RAB30: variants seen among roughly 807,000 people sequenced by gnomAD.
RAB30 encodes ras-related protein Rab-30.
A neutral mutation model predicts 25.1 loss-of-function variants in RAB30; 9 were observed. That is an observed-to-expected ratio of 0.36 (90% CI 0.22 to 0.63). The LOEUF is 0.63. RAB30 is among the 20% of genes least tolerant of loss of function. The pLI, the probability that RAB30 is intolerant of heterozygous loss-of-function variation, is 0.69. For missense variants in RAB30, 140 were observed against 243.5 expected (o/e 0.58, Z 2.83); for synonymous variants, 77 against 86.4 (o/e 0.89, Z 0.60).
intron 1 of RAB30, among the ~76,000 whole-genome samples, chr11:83,052,812 T>C (rs1166752676): frequency 6.6e-6 from 1 of 152,176 alleles, no homozygotes; most frequent in Non-Finnish European, 1.5e-5. Flanking sequence ...AGGGATCCAC[T>C]ACAAACCTAG....
intron 1 of RAB30, among the ~76,000 whole-genome samples, chr11:83,054,923 C>G (rs1240213634): frequency 6.6e-6 from 1 of 152,158 alleles, no homozygotes; most frequent in Non-Finnish European, 1.5e-5. Flanking sequence ...AAGGTATCCT[C>G]AGAAGCAGCA....
chr11:83,021,604 C>T (rs1565279865), intron 1 of RAB30, among the ~76,000 whole-genome samples: 1 of 152,246 alleles, frequency 6.6e-6, no homozygotes, highest in Non-Finnish European at 1.5e-5. Context: ...CTCTCTGCTC[C>T]ACGCCTGACT....
intron 1 of RAB30, among the ~76,000 whole-genome samples, chr11:83,002,257 T>C (rs911943714): frequency 6.6e-6 from 1 of 152,180 alleles, no homozygotes; most frequent in African/African-American, 2.4e-5. Flanking sequence ...CCCACACTGA[T>C]GGAGCCAGAC....
chr11:83,038,541 C>T (rs1858036068), intron 1 of RAB30, among the ~76,000 whole-genome samples: 1 of 152,118 alleles, frequency 6.6e-6, no homozygotes, highest in Admixed American at 6.6e-5. Flanking sequence ...AATAATGAGG[C>T]TGGGTGCAGT....
chr11:83,068,769 A>G (rs753753771), intron 1 of RAB30, among the ~76,000 whole-genome samples: 18 of 152,128 alleles, frequency 1.2e-4, no homozygotes, highest in Non-Finnish European at 2.5e-4. Context: ...CTGAATTACT[A>G]CTTCCGTTTA....
intron 4 of RAB30, among the ~76,000 whole-genome samples, chr11:82,985,378 GAACA>G (rs1043684178): frequency 2.0e-5 from 3 of 152,022 alleles, no homozygotes; most frequent in African/African-American, 7.2e-5. Context: ...GAAAAGTGGT[GAACA>G]AAAAAGAATC....
intron 1 of RAB30, among the ~76,000 whole-genome samples, chr11:83,014,632 G>GA (rs1159614855): frequency 1.6e-5 from 1 of 63,720 alleles, no homozygotes; most frequent in Non-Finnish European, 3.2e-5. Context: ...AAAGAAGTAA[G>GA]AAAAAGAAAG....
chr11:83,057,977 C>T (rs1177941023), intron 1 of RAB30, among the ~76,000 whole-genome samples: 1 of 152,168 alleles, frequency 6.6e-6, no homozygotes, highest in Non-Finnish European at 1.5e-5. Flanking sequence ...AGGCACCACG[C>T]TGAGACCTGA....
chr11:82,987,161 A>G (rs1397129759), intron 4 of RAB30: 1 of 152,918 alleles, frequency 6.5e-6, no homozygotes, highest in Non-Finnish European at 1.5e-5. Flanking sequence ...AATTTCTCAA[A>G]TCAGCCTAAA....
chr11:83,041,577 A>G, intron 1 of RAB30: 1 of 163,794 alleles, frequency 6.1e-6, no homozygotes, highest in South Asian at 1.7e-4. Flanking sequence ...GAAAGGAACT[A>G]GGTCGGCTTA....
At chr11:83,034,460 CAG>C (rs1390112717) in intron 1 of RAB30, 3 of 152,180 alleles carry the variant, frequency 2.0e-5, no homozygotes, top group Non-Finnish European at 2.9e-5. Flanking sequence ...AGCCACTTCG[CAG>C]AGTCATTTAG....
rs749604491 is a variant in RAB30 at position 82,982,418 on chromosome 11, A to G, written c.362-3T>C. The G allele has an allele frequency of 6.8e-6, 11 of 1,611,674 alleles. No homozygotes were observed. In the African/African-American group the frequency reaches 1.1e-4, roughly 16 times the overall value. On this transcript the variant is annotated splice_polypyrimidine_tract_variant and splice_region_variant and intron_variant, in intron 4 of 4. Coordinates refer to ENST00000527633, the MANE Select transcript of RAB30 (RefSeq NM_001286060.2). ...TTCAGCCAGGTCAATCTTGTTGCCTATAACAGTAGTAAAATCAAATAAAGA... is the reference window on the plus strand; with the variant it reads ...TTCAGCCAGGTCAATCTTGTTGCCTGTAACAGTAGTAAAATCAAATAAAGA...
chr11:83,050,403 C>A (rs541067216), intron 1 of RAB30, among the ~76,000 whole-genome samples: 1 of 152,306 alleles, frequency 6.6e-6, no homozygotes, highest in Non-Finnish European at 1.5e-5. Context: ...CCTTCTTGAG[C>A]CCTATTGTTC....
At chr11:83,060,155 T>A (rs1276939160) in intron 1 of RAB30, 3 of 151,838 alleles carry the variant, frequency 2.0e-5, no homozygotes, top group Non-Finnish European at 4.4e-5. Context: ...TGAGCCGAGA[T>A]TGCGCCACTG....
chr11:82,987,957 A>C (rs11821481), intron 3 of RAB30, among the ~76,000 whole-genome samples, 187 bp from the exon 4 acceptor site: 96 of 148,784 alleles, frequency 6.5e-4, no homozygotes, highest in African/African-American at 2.2e-3. Context: ...AAAAAAAAAA[A>C]ATCTGTTGGG....
chr11:83,057,917 C>T (rs946317707), intron 1 of RAB30, among the ~76,000 whole-genome samples: 3 of 152,214 alleles, frequency 2.0e-5, no homozygotes, highest in South Asian at 2.1e-4. Context: ...CTACTGTCGG[C>T]TTTGCCCATC....
At chr11:83,027,505 G>C (rs1200667636) in intron 1 of RAB30, among the ~76,000 whole-genome samples, 1 of 152,028 alleles carries the variant, frequency 6.6e-6, no homozygotes, top group East Asian at 1.9e-4. Flanking sequence ...GTAACATCAG[G>C]GGAGCCCAAC....
intron 1 of RAB30, among the ~76,000 whole-genome samples, chr11:83,025,957 G>A (rs1367251225): frequency 6.6e-6 from 1 of 152,188 alleles, no homozygotes; most frequent in Non-Finnish European, 1.5e-5. Flanking sequence ...GGGAAGCCAA[G>A]GTGGGAGGAT....
chr11:82,975,448 TTTTC>T lies in RAB30; in HGVS notation c.*6713_*6716del, dbSNP rs1315207912. The T allele has an allele frequency of 5.9e-5, 9 of 152,328 alleles. No individual in the cohort carries two copies. The highest frequency in any genetic ancestry group is 5.2e-4 in the Admixed American group (8 of 15,304). 9.4% of individuals were successfully genotyped at this position (152,328 alleles called of 1,614,324 possible). ...TCTTTTGCTTTTCTGTACATGAATT[TTTTC>T]TTTATTAGGCATTTTGTATTCCAAT... On this transcript the variant is annotated 3_prime_UTR_variant, in exon 5 of 5. Transcript: ENST00000527633.
Sources: gnomAD v4.1 joint callset for allele counts (sites outside exome capture counted in the v4.1 genomes callset) on GRCh38, gnomAD v4.1.1 for gene constraint, MANE v1.5 for transcripts, NCBI Gene and HGNC (gene_info 2026-07-23, HGNC 2026-07-21) for gene names.